PTPRD: variants seen among roughly 807,000 people sequenced by gnomAD.
PTPRD encodes protein tyrosine phosphatase receptor type D.
PTPRD carries 34 observed loss-of-function variants against 214.5 expected under a neutral mutation model. That is an observed-to-expected ratio of 0.16 (90% CI 0.12 to 0.21). PTPRD has a LOEUF of 0.21. Among genes scored for constraint, PTPRD ranks in the 10% least tolerant of loss-of-function variants. PTPRD has a pLI of 1.00. For synonymous variants in PTPRD, 1,128 were observed against 845.7 expected, an observed-to-expected ratio of 1.33 and a Z score of -5.79; for missense variants, 2,545 against 2,398.7, an observed-to-expected ratio of 1.06 and a Z score of -1.27.
At chr9:8,803,390 T>G (rs2096610563) in intron 11 of PTPRD, among the ~76,000 whole-genome samples, 1 of 152,206 alleles carries the variant, frequency 6.6e-6, no homozygotes, top group Admixed American at 6.5e-5. Context: ...GTTTTGCCGA[T>G]GAGAAAATCA....
chr9:10,031,106 C>T (rs773102901), intron 4 of PTPRD, among the ~76,000 whole-genome samples: 5 of 152,108 alleles, frequency 3.3e-5, no homozygotes, highest in South Asian at 2.1e-4. Flanking sequence ...GATACTGTAG[C>T]GCCAGGTAGT....
intron 2 of PTPRD, among the ~76,000 whole-genome samples, chr9:10,550,270 A>C (rs76329796): frequency 0.19 from 28,460 of 152,112 alleles, 3,047 homozygotes; most frequent in Admixed American, 0.28. Flanking sequence ...ACTTTCTTTT[A>C]TACATATATA....
At chr9:8,505,547 A>G (rs1372508358) in intron 22 of PTPRD, among the ~76,000 whole-genome samples, 3 of 147,722 alleles carry the variant, frequency 2.0e-5, no homozygotes, top group Non-Finnish European at 3.0e-5. Flanking sequence ...GCGTGAACCC[A>G]GGAGGCAGAG....
chr9:9,774,082 T>C (rs1367053915), intron 5 of PTPRD, among the ~76,000 whole-genome samples: 2 of 152,190 alleles, frequency 1.3e-5, no homozygotes, highest in African/African-American at 4.8e-5. Context: ...TCTGCCTTGT[T>C]CAAGTCATAG....
At chr9:9,270,016 A>G (rs567825947) in intron 9 of PTPRD, among the ~76,000 whole-genome samples, 1 of 150,586 alleles carries the variant, frequency 6.6e-6, no homozygotes, top group African/African-American at 2.4e-5. Flanking sequence ...ACTATATAAT[A>G]TTACTATAAC....
chr9:9,318,387 A>G (rs1042654682), intron 9 of PTPRD, among the ~76,000 whole-genome samples: 2 of 152,164 alleles, frequency 1.3e-5, no homozygotes, highest in African/African-American at 2.4e-5. Flanking sequence ...GATATTTTTT[A>G]AAGTCAAATA....
intron 3 of PTPRD, among the ~76,000 whole-genome samples, chr9:10,150,554 T>C (rs941810938): frequency 1.3e-5 from 2 of 151,858 alleles, no homozygotes; most frequent in Non-Finnish European, 2.9e-5. Flanking sequence ...GAGATATACC[T>C]AATGTAACTG....
chr9:8,384,345 G>C (rs1166736306), intron 37 of PTPRD, among the ~76,000 whole-genome samples: 1 of 152,032 alleles, frequency 6.6e-6, no homozygotes, highest in East Asian at 1.9e-4. Context: ...AGAATGACTT[G>C]CTACAGAATC....
chr9:9,915,626 C>T (rs1053304181), intron 5 of PTPRD, among the ~76,000 whole-genome samples: 5 of 148,650 alleles, frequency 3.4e-5, no homozygotes, highest in African/African-American at 1.2e-4. Flanking sequence ...ACAGGCTAGA[C>T]CACCAAGCAG....
Position 9,763,138 on chromosome 9 carries a change from A to T in PTPRD, c.-326+3672T>A, listed in dbSNP as rs561121148. Among the ~76,000 whole-genome samples the T allele has an allele frequency of 3.3e-5, 5 of 152,084 alleles. No homozygotes were observed. In the East Asian group the frequency reaches 5.8e-4, roughly 18 times the overall value. ...ACTTAACCTTAATTACCTCTTCAAA[A>T]CCCTGTCTTTATAGCAGCTGTGTTA... On this transcript the variant is annotated intron_variant, in intron 6 of 45. Transcript: ENST00000381196.
At chr9:10,076,856 G>A (rs1282804555) in intron 3 of PTPRD, among the ~76,000 whole-genome samples, 3 of 152,136 alleles carry the variant, frequency 2.0e-5, no homozygotes, top group African/African-American at 7.2e-5. Context: ...GGTGCTCTAC[G>A]AACATGAAGG....
intron 2 of PTPRD, among the ~76,000 whole-genome samples, chr9:10,471,369 C>A (rs773882379): frequency 5.9e-5 from 9 of 152,040 alleles, no homozygotes; most frequent in Non-Finnish European, 8.8e-5. Context: ...TGGGTGTCAG[C>A]TAAATTATTT....
chr9:9,546,189 C>T (rs2078768008), intron 8 of PTPRD, among the ~76,000 whole-genome samples: 1 of 151,264 alleles, frequency 6.6e-6, no homozygotes, highest in South Asian at 2.1e-4. Context: ...ATCTTAGATC[C>T]TGAAGCTCTG....
rs529539217 is a variant in PTPRD, at chr9:8,627,280, G to A, written c.352+6037C>T. On this transcript the variant is annotated intron_variant, in intron 14 of 45. Coordinates refer to ENST00000381196, the MANE Select transcript of PTPRD (RefSeq NM_002839.4). ...GAAGGGCTGAAACTCACTGTCACACGTACTGCAGCAGGGATCACTTCAGAC... is the reference window on the plus strand; with the variant it reads ...GAAGGGCTGAAACTCACTGTCACACATACTGCAGCAGGGATCACTTCAGAC... Among the ~76,000 whole-genome samples the A allele has an allele frequency of 1.7e-4, 25 of 149,900 alleles. No homozygotes were observed. The South Asian group carries it at 4.6e-3, about 27-fold the overall frequency.
At position 8,315,786 on chromosome 9, in the gene PTPRD, A is replaced by T. The variant is rs1253500108; in HGVS notation, c.*2088T>A. On this transcript the variant is annotated 3_prime_UTR_variant, in exon 46 of 46. Coordinates refer to ENST00000381196, the MANE Select transcript of PTPRD (RefSeq NM_002839.4). ...TCCATGCAGAACATCCATGAAGCTA[A>T]AATTAAACCAAAGTAGTATACTCAT... 1 of 228,164 alleles carries T rather than the reference A, an allele frequency of 4.4e-6. No homozygotes were observed. The highest frequency in any genetic ancestry group is 6.2e-5 in the East Asian group (1 of 16,002). The allele number at this position is 228,164 out of a possible 1,614,324, so 14.1% of individuals were successfully genotyped here.
At chr9:9,991,565 T>C (rs1246566305) in intron 4 of PTPRD, among the ~76,000 whole-genome samples, 3 of 152,006 alleles carry the variant, frequency 2.0e-5, no homozygotes, top group African/African-American at 7.2e-5. Flanking sequence ...TTCTCCATGT[T>C]GGTCAGGCTG....
chr9:8,328,233 C>T (rs1355866578), intron 44 of PTPRD, among the ~76,000 whole-genome samples: 1 of 152,144 alleles, frequency 6.6e-6, no homozygotes, highest in Non-Finnish European at 1.5e-5. Flanking sequence ...AATCTCTCAG[C>T]ATTTGCTTGT....
At chr9:8,674,829 G>A (rs1565185280) in intron 12 of PTPRD, among the ~76,000 whole-genome samples, 1 of 152,058 alleles carries the variant, frequency 6.6e-6, no homozygotes, top group Non-Finnish European at 1.5e-5. Context: ...TCCAAATTGG[G>A]TTGTTTTTTG....
At chr9:8,481,039 C>T (rs1036658030) in intron 30 of PTPRD, among the ~76,000 whole-genome samples, 37 of 147,764 alleles carry the variant, frequency 2.5e-4, no homozygotes, top group African/African-American at 9.3e-4. Context: ...GCTCGAGAGG[C>T]TGAGGCAGGA....
Sources: gnomAD v4.1 joint callset for allele counts (sites outside exome capture counted in the v4.1 genomes callset) on GRCh38, gnomAD v4.1.1 for gene constraint, MANE v1.5 for transcripts, NCBI Gene and HGNC (gene_info 2026-07-23, HGNC 2026-07-21) for gene names.